The following PKDCC variants were observed in gnomAD, a reference collection of about 807,000 sequenced individuals.
The protein encoded by PKDCC is protein kinase domain containing, cytoplasmic.
In PKDCC, 35 loss-of-function variants were observed where a neutral mutation model predicts 44.7. That is an observed-to-expected ratio of 0.78 (90% CI 0.60 to 1.04). The LOEUF (loss-of-function observed/expected upper bound fraction) is 1.04, where lower values mean the gene tolerates loss of function less well. PKDCC is among the 50% of genes least tolerant of loss of function. The pLI is 0.00. For missense variants in PKDCC, 738 were observed against 672.7 expected (o/e 1.10, Z -1.07); for synonymous variants, 353 against 303.3 (o/e 1.16, Z -1.70).
At position 42,051,836 on chromosome 2, in the gene PKDCC, G is replaced by A. The variant is rs1667973020; in HGVS notation, c.640-1403G>A. 6.6e-6 allele frequency among the ~76,000 whole-genome samples: 1 copy of A among 152,142 alleles called. No homozygotes were observed. The highest frequency in any genetic ancestry group is 6.5e-5 in the Admixed American group (1 of 15,280). ...CTCCTAGGGCGGGAAGAGGACATGT[G>A]AGGACCTGGAGTGGCTCTGGGGAGG... On this transcript the variant is annotated intron_variant, in intron 1 of 6. Transcript: ENST00000294964. The surrounding 1 kb of genome is among the most constrained non-coding windows in gnomAD (Gnocchi z 4.2).
chr2:42,054,293 C>G lies in PKDCC; in HGVS notation c.1020C>G (p.Leu340=). 1 of 1,602,868 alleles carries G rather than the reference C, an allele frequency of 6.2e-7. No individual in the cohort carries two copies. Among genetic ancestry groups the G allele is most frequent in the African/African-American group, 1.3e-5 (1 of 74,824 alleles). The part of the protein sequence containing the change: ...WCEGMNEKRN[L]YNAYRFFFTY... ...AGGGCATGAACGAGAAGCGGAACCT[C>G]TATAATGCCTACAGGTGACCTCCAC... is the stretch of plus-strand genomic sequence containing the variant. The change falls in exon 3 of 7, where the codon CTC becomes CTG. Residue 340 remains leucine (L), a synonymous_variant. Transcript: ENST00000294964. This position sits in a 1 kb window ranked among gnomAD's most constrained non-coding sequence, Gnocchi z 6.1.
Position 42,055,150 on chromosome 2 carries a change from C to G in PKDCC, c.1114+130C>G, listed in dbSNP as rs189954283. 4 of 1,288,190 alleles carry G rather than the reference C, an allele frequency of 3.1e-6. No homozygotes were observed. In the East Asian group the frequency reaches 9.5e-5, roughly 31 times the overall value. 79.8% of individuals were successfully genotyped at this position (1,288,190 alleles called of 1,614,324 possible). ...ATCACTTCCTAAGGTGGCATTCTGC[C>G]GCAACCTCCCCGCTCCCCCGCCCTC... On this transcript the variant is annotated intron_variant, in intron 4 of 6. Transcript: ENST00000294964. This position sits in a 1 kb window ranked among gnomAD's most constrained non-coding sequence, Gnocchi z 4.5.
rs1668031278 is a variant in PKDCC, at chr2:42,055,098, C to G, written c.1114+78C>G. ...CCAGCAAAAGTGGGGAGAAAAATAA[C>G]CCAGGGCAGCAGGGGTTCTAGAAAC... On this transcript the variant is annotated intron_variant, in intron 4 of 6. Coordinates refer to ENST00000294964, the MANE Select transcript of PKDCC (RefSeq NM_138370.3). The surrounding 1 kb of genome is among the most constrained non-coding windows in gnomAD (Gnocchi z 4.5). 17 of 1,409,246 alleles carry G rather than the reference C, an allele frequency of 1.2e-5. No individual in the cohort carries two copies. The highest frequency in any genetic ancestry group is 3.4e-5 in the Admixed American group (2 of 58,172). The allele number at this position is 1,409,246 out of a possible 1,614,324, so 87.3% of individuals were successfully genotyped here. A position where few individuals can be genotyped will look rare whatever the true frequency, so the allele number is the denominator to read the frequency against.
Position 42,048,768 on chromosome 2 carries a change from G to T in PKDCC, c.569G>T (p.Arg190Leu). 1 of 1,561,814 alleles carries T rather than the reference G, an allele frequency of 6.4e-7. No individual in the cohort carries two copies. The change falls in exon 1 of 7, where the codon CGG (arginine) becomes CTG (leucine). Residue 190 changes from arginine (R) to leucine (L), a missense_variant. Arg to Leu is a moderately radical substitution (Grantham distance 102). Transcript: ENST00000294964. This position sits in a 1 kb window ranked among gnomAD's most constrained non-coding sequence, Gnocchi z 6.2. ...REFGVRRGCY[R>L]LAAHKLLKEM... ...TTCGGGGTACGGAGGGGCTGCTATC[G>T]GCTGGCGGCCCACAAGCTGCTTAAG...
At position 42,055,971 on chromosome 2, in the gene PKDCC, T is replaced by C. The variant is rs754281651; in HGVS notation, c.1222+578T>C. On this transcript the variant is annotated intron_variant, in intron 5 of 6. Coordinates refer to ENST00000294964, the MANE Select transcript of PKDCC (RefSeq NM_138370.3). The surrounding 1 kb of genome is among the most constrained non-coding windows in gnomAD (Gnocchi z 4.5). ...TGGTTTCAGGCTGTGGTCCTTCTGC[T>C]GAAGCCCTGGGGTTTAGCTGGGGTT... Among the ~76,000 whole-genome samples the C allele has an allele frequency of 6.0e-4, 91 of 152,316 alleles. No individual in the cohort carries two copies. The highest frequency in any genetic ancestry group is 1.4e-3 in the Admixed American group (21 of 15,300).
rs553168462 is a variant in PKDCC at position 42,054,652 on chromosome 2, C to T, written c.1035-289C>T. ...CTGGGCCCCAGCCATGGGGCTGCTC[C>T]GACACCGGGAGTCAGTCAGGGGATA... On this transcript the variant is annotated intron_variant, in intron 3 of 6. Coordinates refer to ENST00000294964, the MANE Select transcript of PKDCC (RefSeq NM_138370.3). This position sits in a 1 kb window ranked among gnomAD's most constrained non-coding sequence, Gnocchi z 6.1. 8 of 546,886 alleles carry T rather than the reference C, an allele frequency of 1.5e-5. No individual in the cohort carries two copies. The highest frequency in any genetic ancestry group is 1.2e-4 in the East Asian group (4 of 32,922). 33.9% of individuals were successfully genotyped at this position (546,886 alleles called of 1,614,324 possible). A position where few individuals can be genotyped will look rare whatever the true frequency, so the allele number is the denominator to read the frequency against.
At chr2:42,049,597 G>A (rs1667934174) in intron 1 of PKDCC, among the ~76,000 whole-genome samples, 1 of 152,150 alleles carries the variant, frequency 6.6e-6, no homozygotes, top group Non-Finnish European at 1.5e-5. Context: ...TAGCCAAGAG[G>A]CTGGAAGGTT....
At chr2:42,053,104 C>T in intron 1 of PKDCC, 135 bp from the exon 2 acceptor site, 2 of 982,604 alleles carry the variant, frequency 2.0e-6, no homozygotes, top group Non-Finnish European at 2.9e-6. Context: ...GCAACGCTGC[C>T]ATTCTCTTCT....
Position 42,048,904 on chromosome 2 carries a change from C to G in PKDCC, c.639+66C>G, listed in dbSNP as rs1462826872. The G allele has an allele frequency of 7.3e-7, 1 of 1,376,468 alleles. No individual in the cohort carries two copies. The highest frequency in any genetic ancestry group is 9.4e-7 in the Non-Finnish European group (1 of 1,060,154). 85.3% of individuals were successfully genotyped at this position (1,376,468 alleles called of 1,614,324 possible). ...AGTGCCCAAGACCTTGTCAACCTGGCTGGAAGAGAACCCCTTGATCTGGAG... is the reference window on the plus strand; with the variant it reads ...AGTGCCCAAGACCTTGTCAACCTGGGTGGAAGAGAACCCCTTGATCTGGAG... On this transcript the variant is annotated intron_variant, in intron 1 of 6. Coordinates refer to ENST00000294964, the MANE Select transcript of PKDCC (RefSeq NM_138370.3). This position sits in a 1 kb window ranked among gnomAD's most constrained non-coding sequence, Gnocchi z 6.2.
In PKDCC at chr2:42,057,913, A is replaced by G; in HGVS notation, c.*225A>G. The G allele has an allele frequency of 1.8e-6, 1 of 562,780 alleles. No homozygotes were observed. The highest frequency in any genetic ancestry group is 3.2e-6 in the Non-Finnish European group (1 of 314,804). 34.9% of individuals were successfully genotyped at this position (562,780 alleles called of 1,614,324 possible). On this transcript the variant is annotated 3_prime_UTR_variant, in exon 7 of 7. Coordinates refer to ENST00000294964, the MANE Select transcript of PKDCC (RefSeq NM_138370.3). ...GGGACTGCTGGCTCCTAGTCCAGGA[A>G]TCATGGGGGTATGACTGCCTCTCCA... is the stretch of plus-strand genomic sequence containing the variant.
Position 42,052,575 on chromosome 2 carries a change from C to G in PKDCC, c.640-664C>G, listed in dbSNP as rs958883428. Among the ~76,000 whole-genome samples the G allele has an allele frequency of 6.6e-6, 1 of 151,962 alleles. No individual in the cohort carries two copies. The highest frequency in any genetic ancestry group is 2.4e-5 in the African/African-American group (1 of 41,354). On this transcript the variant is annotated intron_variant, in intron 1 of 6. Coordinates refer to ENST00000294964, the MANE Select transcript of PKDCC (RefSeq NM_138370.3). This position sits in a 1 kb window ranked among gnomAD's most constrained non-coding sequence, Gnocchi z 4.3. ...ACCAGCCTGGCCAACATGGTGAAAC[C>G]CTGTTTCTACTAAAAAGACAAAAAT...
At position 42,054,629 on chromosome 2, in the gene PKDCC, G is replaced by A. The variant is rs1572762190; in HGVS notation, c.1035-312G>A. 1 of 541,678 alleles carries A rather than the reference G, an allele frequency of 1.8e-6. No homozygotes were observed. Among genetic ancestry groups the A allele is most frequent in the Non-Finnish European group, 3.3e-6 (1 of 305,082 alleles). 33.6% of individuals were successfully genotyped at this position (541,678 alleles called of 1,614,324 possible). ...CTTGTGCTCTGGGAAATTCCTCACT[G>A]GGCCCCAGCCATGGGGCTGCTCCGA... On this transcript the variant is annotated intron_variant, in intron 3 of 6. Coordinates refer to ENST00000294964, the MANE Select transcript of PKDCC (RefSeq NM_138370.3). This position sits in a 1 kb window ranked among gnomAD's most constrained non-coding sequence, Gnocchi z 6.1.
chr2:42,057,632 T>G lies in PKDCC; in HGVS notation c.1426T>G (p.Trp476Gly). 6.2e-7 allele frequency: 1 copy of G among 1,614,034 alleles called. No homozygotes were observed. The highest frequency in any genetic ancestry group is 8.5e-7 in the Non-Finnish European group (1 of 1,180,004). The change falls in exon 7 of 7, where the codon TGG (tryptophan) becomes GGG (glycine). Residue 476 changes from tryptophan (W) to glycine (G), a missense_variant. By Grantham distance (184) the Trp-to-Gly change is radical. Coordinates refer to ENST00000294964, the MANE Select transcript of PKDCC (RefSeq NM_138370.3). ...GRQLVFFKTG[W>G]SQVVPDPNKT... is the part of the protein sequence containing the mutation. The stretch of plus-strand genomic sequence containing the variant: ...GCAGCTGGTCTTTTTCAAGACTGGA[T>G]GGAGCCAAGTGGTCCCTGATCCCAA...
chr2:42,049,744 C>T (rs967571791), intron 1 of PKDCC, among the ~76,000 whole-genome samples: 2 of 152,180 alleles, frequency 1.3e-5, no homozygotes, highest in Non-Finnish European at 2.9e-5. Context: ...GTCCCAGCAC[C>T]GCCCTAACAC....
Position 42,048,296 on chromosome 2 carries a change from C to G in PKDCC, c.97C>G (p.Pro33Ala). 2 of 1,261,620 alleles carry G rather than the reference C, an allele frequency of 1.6e-6. No individual in the cohort carries two copies. Among genetic ancestry groups the G allele is most frequent in the Non-Finnish European group, 2.0e-6 (2 of 999,702 alleles). 78.2% of individuals were successfully genotyped at this position (1,261,620 alleles called of 1,614,324 possible). The change falls in exon 1 of 7, where the codon CCG becomes GCG. Residue 33 changes from proline to alanine, a missense_variant. Transcript: ENST00000294964. This position sits in a 1 kb window ranked among gnomAD's most constrained non-coding sequence, Gnocchi z 6.2. ...NVLFAPGSEPPRPGQSPEPSP... is the reference protein window; with the variant it reads ...NVLFAPGSEPARPGQSPEPSP... Reference sequence around the variant, plus strand: ...GCTCTTCGCTCCGGGCTCGGAGCCTCCGAGGCCAGGCCAGTCCCCTGAGCC... The same window carrying G: ...GCTCTTCGCTCCGGGCTCGGAGCCTGCGAGGCCAGGCCAGTCCCCTGAGCC...
chr2:42,048,146 C>T lies in PKDCC; in HGVS notation c.-54C>T, dbSNP rs1262548243. Reference sequence around the variant, plus strand: ...GAGCCGCCTCGGAGCCTGAGCCGCCCGGGGCCGGGGCCGGGGAGCCGCGCG... The same window carrying T: ...GAGCCGCCTCGGAGCCTGAGCCGCCTGGGGCCGGGGCCGGGGAGCCGCGCG... On this transcript the variant is annotated 5_prime_UTR_variant, in exon 1 of 7. Transcript: ENST00000294964. The surrounding 1 kb of genome is among the most constrained non-coding windows in gnomAD (Gnocchi z 6.2). The T allele has an allele frequency of 4.5e-6, 4 of 886,952 alleles. No individual in the cohort carries two copies. Among genetic ancestry groups the T allele is most frequent in the African/African-American group, 6.8e-5 (2 of 29,406 alleles). 54.9% of individuals were successfully genotyped at this position (886,952 alleles called of 1,614,324 possible).
In PKDCC at chr2:42,055,595, A is replaced by C; in HGVS notation, c.1222+202A>C. On this transcript the variant is annotated intron_variant, in intron 5 of 6. Coordinates refer to ENST00000294964, the MANE Select transcript of PKDCC (RefSeq NM_138370.3). The surrounding 1 kb of genome is among the most constrained non-coding windows in gnomAD (Gnocchi z 4.5). ...CTCTAGCTGAGCTAGAGCAACTATA[A>C]TTCTGCCTTCAACCTGGGGTTGGGC... is the stretch of plus-strand genomic sequence containing the variant. The C allele has an allele frequency of 5.3e-6, 3 of 562,362 alleles. No homozygotes were observed. Among genetic ancestry groups the C allele is most frequent in the Non-Finnish European group, 9.5e-6 (3 of 314,210 alleles). The allele number at this position is 562,362 out of a possible 1,614,324, so 34.8% of individuals were successfully genotyped here.
chr2:42,052,219 T>TA lies in PKDCC; in HGVS notation c.640-1019dup, dbSNP rs886336264. The stretch of plus-strand genomic sequence containing the variant: ...CATCACTCACTACCACCCCCACTGA[T>TA]ACACATCACTCATATGCAAAACACA... On this transcript the variant is annotated intron_variant, in intron 1 of 6. Coordinates refer to ENST00000294964, the MANE Select transcript of PKDCC (RefSeq NM_138370.3). The surrounding 1 kb of genome is among the most constrained non-coding windows in gnomAD (Gnocchi z 4.3). Among the ~76,000 whole-genome samples, 1 of 152,126 alleles carries TA rather than the reference T, an allele frequency of 6.6e-6. No individual in the cohort carries two copies. Among genetic ancestry groups the TA allele is most frequent in the Non-Finnish European group, 1.5e-5 (1 of 68,020 alleles).
At chr2:42,056,057 G>T (rs1009964699) in intron 5 of PKDCC, among the ~76,000 whole-genome samples, 1 of 152,112 alleles carries the variant, frequency 6.6e-6, no homozygotes, top group Non-Finnish European at 1.5e-5. Context: ...TCTTAGGGGT[G>T]GGGGAGCCCT....
Sources: gnomAD v4.1 joint callset for allele counts (sites outside exome capture counted in the v4.1 genomes callset) on GRCh38, gnomAD v4.1.1 for gene constraint, Gnocchi (gnomAD v3.1) non-coding constraint, MANE v1.5 for transcripts, NCBI Gene and HGNC (gene_info 2026-07-23, HGNC 2026-07-21) for gene names.